VPS13B: variants seen among roughly 807,000 people sequenced by gnomAD.
The protein encoded by VPS13B is vacuolar protein sorting 13 homolog B, also known as intermembrane lipid transfer protein VPS13B.
VPS13B carries 285 observed loss-of-function variants against 426.4 expected under a neutral mutation model. That is an observed-to-expected ratio of 0.67 (90% confidence interval 0.61 to 0.74). The LOEUF is 0.74. Ranked by LOEUF, VPS13B falls within the 30% of genes least tolerant of loss-of-function variation. The probability of loss-of-function intolerance (pLI) is 0.00; values close to 1 mark genes in which losing one functional copy is unlikely to be tolerated. For missense variants in VPS13B, 4,537 were observed against 4,782.6 expected, an observed-to-expected ratio of 0.95 and a Z score of 1.51; for synonymous variants, 1,676 against 1,676.4, an observed-to-expected ratio of 1.00 and a Z score of 0.01.
intron 19 of VPS13B, among the ~76,000 whole-genome samples, chr8:99,377,764 C>A (rs1471969952): frequency 1.3e-5 from 2 of 152,048 alleles, no homozygotes; most frequent in Non-Finnish European, 2.9e-5. Context: ...TGTGATGCCC[C>A]CTGAGCTGTA....
At chr8:99,231,226 G>A (rs1422896516) in intron 17 of VPS13B, among the ~76,000 whole-genome samples, 3 of 151,922 alleles carry the variant, frequency 2.0e-5, no homozygotes, top group Admixed American at 2.0e-4. Flanking sequence ...TCAAATATTA[G>A]GTCAGGAGAT....
intron 36 of VPS13B, among the ~76,000 whole-genome samples, chr8:99,702,752 C>T (rs1832335839): frequency 6.6e-6 from 1 of 152,102 alleles, no homozygotes; most frequent in Non-Finnish European, 1.5e-5. Context: ...CTACTCTAAT[C>T]CCTAACTTAT....
chr8:99,667,869 C>T (rs1830548611), intron 35 of VPS13B, among the ~76,000 whole-genome samples: 1 of 151,980 alleles, frequency 6.6e-6, no homozygotes, highest in Non-Finnish European at 1.5e-5. Flanking sequence ...TTTATTTTTT[C>T]CAGCTCTTAG....
intron 3 of VPS13B, among the ~76,000 whole-genome samples, chr8:99,050,041 T>C (rs1843443150): frequency 6.6e-6 from 1 of 152,102 alleles, no homozygotes. Flanking sequence ...TATTTATCTT[T>C]TTTAAATTAT....
At chr8:99,358,703 CAG>C (rs1448961529) in intron 19 of VPS13B, among the ~76,000 whole-genome samples, 4 of 152,168 alleles carry the variant, frequency 2.6e-5, no homozygotes, top group Admixed American at 1.3e-4. Flanking sequence ...TGAAGAATAG[CAG>C]ACAGTTATGA....
chr8:99,519,792 G>C (rs1822273726), intron 29 of VPS13B, among the ~76,000 whole-genome samples: 1 of 141,324 alleles, frequency 7.1e-6, no homozygotes, highest in East Asian at 2.2e-4. Context: ...CATACACCGG[G>C]GCCTGTTGTG....
intron 16 of VPS13B, among the ~76,000 whole-genome samples, chr8:99,183,490 A>G (rs987136440): frequency 9.9e-5 from 15 of 152,074 alleles, no homozygotes; most frequent in African/African-American, 3.4e-4. Flanking sequence ...TAAACAATGA[A>G]TATCTTTTGG....
intron 19 of VPS13B, among the ~76,000 whole-genome samples, chr8:99,289,408 A>G (rs1299953973): frequency 6.6e-6 from 1 of 151,900 alleles, no homozygotes; most frequent in Non-Finnish European, 1.5e-5. Context: ...TTTTGTTTTT[A>G]CCCTCACTTC....
chr8:99,821,610 C>T, intron 50 of VPS13B, 128 bp downstream of exon 50: 2 of 1,136,862 alleles, frequency 1.8e-6, no homozygotes, highest in African/African-American at 1.6e-5. Flanking sequence ...TATAACAGTA[C>T]ATTTGATTTC....
At chr8:99,373,895 T>C (rs1178477318) in intron 19 of VPS13B, among the ~76,000 whole-genome samples, 1 of 152,130 alleles carries the variant, frequency 6.6e-6, no homozygotes, top group East Asian at 1.9e-4. Context: ...TACCCTTTGT[T>C]CTTCATTCCT....
At chr8:99,032,204 A>G (rs1422554446) in intron 2 of VPS13B, among the ~76,000 whole-genome samples, 4 of 152,156 alleles carry the variant, frequency 2.6e-5, no homozygotes, top group African/African-American at 9.7e-5. Context: ...ACCTCAGAAG[A>G]TCTTCATTAC....
intron 21 of VPS13B, among the ~76,000 whole-genome samples, chr8:99,399,691 GC>G (rs1228248010): frequency 2.6e-5 from 4 of 152,032 alleles, no homozygotes; most frequent in Non-Finnish European, 5.9e-5. Flanking sequence ...TTCTTGCATT[GC>G]TAGTGTTCAT....
At chr8:99,064,695 T>C (rs913024719) in intron 3 of VPS13B, among the ~76,000 whole-genome samples, 4 of 152,180 alleles carry the variant, frequency 2.6e-5, no homozygotes, top group African/African-American at 9.7e-5. Flanking sequence ...CAGGTTATTA[T>C]ACAAGAGAAC....
chr8:99,381,225 G>T (rs992560548), intron 19 of VPS13B, among the ~76,000 whole-genome samples: 8 of 152,118 alleles, frequency 5.3e-5, no homozygotes, highest in African/African-American at 1.9e-4. Flanking sequence ...TTCCTGCAAA[G>T]GACATGATCT....
chr8:99,656,857 G>A (rs1830037049), intron 34 of VPS13B, among the ~76,000 whole-genome samples: 1 of 152,176 alleles, frequency 6.6e-6, no homozygotes, highest in African/African-American at 2.4e-5. Flanking sequence ...GAAGTAGAGA[G>A]TTTAGCAAAA....
chr8:99,839,126 C>G (rs1422824601), intron 54 of VPS13B, among the ~76,000 whole-genome samples: 1 of 152,154 alleles, frequency 6.6e-6, no homozygotes, highest in Non-Finnish European at 1.5e-5. Flanking sequence ...TAGTTTGAAC[C>G]CCAGAAAGTG....
chr8:99,251,032 A>G (rs1053799510), intron 17 of VPS13B, among the ~76,000 whole-genome samples: 1 of 151,876 alleles, frequency 6.6e-6, no homozygotes, highest in African/African-American at 2.4e-5. Context: ...AAGCTCACCT[A>G]TTACTTCTAG....
intron 17 of VPS13B, 139 bp from the exon 18 acceptor site, chr8:99,274,059 C>T (rs1818759332): frequency 8.2e-7 from 1 of 1,226,848 alleles, no homozygotes; most frequent in East Asian, 2.5e-5. Flanking sequence ...AAATACTAAA[C>T]TATGAAACCT....
chr8:99,760,157 T>A (rs1029151710), intron 39 of VPS13B, among the ~76,000 whole-genome samples: 2 of 151,820 alleles, frequency 1.3e-5, no homozygotes, highest in African/African-American at 4.8e-5. Context: ...TTTATTATTA[T>A]TATTTTTAGT....
Sources: gnomAD v4.1 joint callset for allele counts (sites outside exome capture counted in the v4.1 genomes callset) on GRCh38, gnomAD v4.1.1 for gene constraint, MANE v1.5 for transcripts, NCBI Gene and HGNC (gene_info 2026-07-23, HGNC 2026-07-21) for gene names.